The following SCAF11 variants were observed in gnomAD, a reference collection of about 807,000 sequenced individuals.
The protein encoded by SCAF11 is protein SCAF11.
Under a neutral mutation model 140.5 loss-of-function variants are expected in SCAF11, and 47 were observed. That is an observed-to-expected ratio of 0.33 (90% CI 0.26 to 0.43). SCAF11 has a LOEUF of 0.43. Among genes scored for constraint, SCAF11 ranks in the 20% least tolerant of loss-of-function variants. SCAF11 has a pLI of 1.00. For missense variants in SCAF11, 1,645 were observed against 1,705.1 expected (o/e 0.96, Z 0.62); for synonymous variants, 557 against 579.4 (o/e 0.96, Z 0.55).
At chr12:45,923,621 T>A (rs1405686888) in intron 12 of SCAF11, among the ~76,000 whole-genome samples, 2 of 151,958 alleles carry the variant, frequency 1.3e-5, no homozygotes, top group African/African-American at 4.8e-5. Flanking sequence ...TAAAATCCAA[T>A]TTCCCTATTC....
intron 14 of SCAF11, 110 bp downstream of exon 14, chr12:45,922,353 G>T: frequency 6.7e-7 from 1 of 1,485,936 alleles, no homozygotes; most frequent in Non-Finnish European, 9.1e-7. Context: ...AAGTAGACAG[G>T]AATTAGTAGG....
chr12:45,989,657 T>G (rs1288023069), intron 1 of SCAF11, among the ~76,000 whole-genome samples: 3 of 152,178 alleles, frequency 2.0e-5, no homozygotes, highest in South Asian at 2.1e-4. Context: ...GGCGACTGAT[T>G]AGGCTAAATT....
intron 1 of SCAF11, among the ~76,000 whole-genome samples, chr12:45,980,819 G>C (rs1946333222): frequency 6.6e-6 from 1 of 152,102 alleles, no homozygotes; most frequent in Non-Finnish European, 1.5e-5. Flanking sequence ...AGAATAACTG[G>C]ATTAAGACTG....
At chr12:45,990,290 A>G (rs1946565303) in intron 1 of SCAF11, 63 bp downstream of exon 1, 31 of 1,230,718 alleles carry the variant, frequency 2.5e-5, no homozygotes, top group Non-Finnish European at 2.8e-5. Flanking sequence ...GCCGGCCGCT[A>G]ACCCTCGTCT....
chr12:45,933,289 C>A, intron 8 of SCAF11, 57 bp from the exon 9 acceptor site: 3 of 1,238,090 alleles, frequency 2.4e-6, no homozygotes, highest in Admixed American at 1.8e-5. Flanking sequence ...TTCAAAAAAA[C>A]AATTAGGTTG....
chr12:45,988,847 A>T (rs1018031667), intron 1 of SCAF11, among the ~76,000 whole-genome samples: 2 of 152,224 alleles, frequency 1.3e-5, no homozygotes, highest in Non-Finnish European at 2.9e-5. Flanking sequence ...GCACCAAAAA[A>T]TATTATAGCT....
At chr12:45,973,436 G>A (rs539247338) in intron 1 of SCAF11, among the ~76,000 whole-genome samples, 4 of 152,114 alleles carry the variant, frequency 2.6e-5, no homozygotes, top group South Asian at 4.2e-4. Flanking sequence ...AATAATGGGT[G>A]GAAACTTCCT....
At position 45,923,065 on chromosome 12, in the gene SCAF11, A is replaced by T; in HGVS notation, c.3996T>A (p.Val1332=). Residue 1332 remains valine, a synonymous_variant, in exon 13 of 15, where the codon GTT becomes GTA. Transcript: ENST00000369367. ...AAGTATTACCAGAACTTGGTCCCTG[A>T]ACCATTCCCGTATTTCCTGGGGCTG... ...PTAAPGNTGM[V]QGPSSGNTSS... The T allele has an allele frequency of 2.5e-6, 4 of 1,614,160 alleles. No homozygotes were observed. Among genetic ancestry groups the T allele is most frequent in the Non-Finnish European group, 2.5e-6 (3 of 1,180,008 alleles).
chr12:45,933,489 A>T (rs939366232), intron 8 of SCAF11, among the ~76,000 whole-genome samples: 5 of 152,118 alleles, frequency 3.3e-5, no homozygotes, highest in African/African-American at 1.2e-4. Context: ...TAAGTGACAG[A>T]ATTTTTTAAA....
At position 45,948,351 on chromosome 12, in the gene SCAF11, C is replaced by G. The variant is rs947891984; in HGVS notation, c.398+86G>C. 3.7e-6 allele frequency: 3 copies of G among 813,534 alleles called. No individual in the cohort carries two copies. In the African/African-American group the frequency reaches 5.2e-5, roughly 14 times the overall value. The allele number at this position is 813,534 out of a possible 1,614,324, so 50.4% of individuals were successfully genotyped here. A position where few individuals can be genotyped will look rare whatever the true frequency, so the allele number is the denominator to read the frequency against. ...AATAAGTGATTAAATACATTTAAACCCCACTTCATTTTTTTAATACCTTTT... is the reference window on the plus strand; with the variant it reads ...AATAAGTGATTAAATACATTTAAACGCCACTTCATTTTTTTAATACCTTTT... On this transcript the variant is annotated intron_variant, in intron 5 of 14. Transcript: ENST00000369367.
chr12:45,990,144 C>A (rs1334595494), intron 1 of SCAF11, among the ~76,000 whole-genome samples: 1 of 151,750 alleles, frequency 6.6e-6, no homozygotes, highest in Non-Finnish European at 1.5e-5. Context: ...GGGAAAGGGG[C>A]CCTCCCGGCC....
At position 45,967,081 on chromosome 12, in the gene SCAF11, A is replaced by G. The variant is rs528731784; in HGVS notation, c.-21-2893T>C. Among the ~76,000 whole-genome samples the G allele has an allele frequency of 2.0e-3, 302 of 152,260 alleles. 2 individuals carry two copies. Among genetic ancestry groups the G allele is most frequent in the African/African-American group, 7.1e-3 (293 of 41,550 alleles). On this transcript the variant is annotated intron_variant, in intron 1 of 14. Coordinates refer to ENST00000369367, the MANE Select transcript of SCAF11 (RefSeq NM_004719.3). ...CCTCCTTTAAGCAAACTAACCTGAT[A>G]TATAATTTATAATTTATATTTTAAA...
At chr12:45,983,595 C>G (rs764170062) in intron 1 of SCAF11, among the ~76,000 whole-genome samples, 1 of 152,084 alleles carries the variant, frequency 6.6e-6, no homozygotes, top group Non-Finnish European at 1.5e-5. Context: ...ACAGAGTTAG[C>G]TGCTATTACC....
chr12:45,927,038 G>A lies in SCAF11; in HGVS notation c.2663C>T (p.Ser888Phe), dbSNP rs372088219. ...SESLSPRRETSRENKRSQPRV... is the reference protein window; with the variant it reads ...SESLSPRRETFRENKRSQPRV... Reference sequence around the variant, plus strand: ...TGGCTGAGATCTTTTGTTCTCTCTAGAAGTTTCTCTTCTTGGGGACAGTGA... The same window carrying A: ...TGGCTGAGATCTTTTGTTCTCTCTAAAAGTTTCTCTTCTTGGGGACAGTGA... The change falls in exon 11 of 15, where the codon TCT becomes TTT. Residue 888 changes from serine to phenylalanine, a missense_variant. By Grantham distance (155) the Ser-to-Phe change is radical. Around this residue, in one of 2 missense-constraint regions of SCAF11, gnomAD observed 1,582 missense variants for 1,609.2 expected, o/e 0.98. Transcript: ENST00000369367. The A allele has an allele frequency of 2.9e-4, 466 of 1,613,906 alleles. 1 individual carries two copies. Among genetic ancestry groups the A allele is most frequent in the Non-Finnish European group, 3.7e-4 (433 of 1,180,012 alleles).
upstream of SCAF11, chr12:45,990,603 C>T (rs1946578288): frequency 8.4e-7 from 1 of 1,193,688 alleles, no homozygotes; most frequent in Non-Finnish European, 1.0e-6. Context: ...CTAGCCTCCT[C>T]CCTCCCCTCC....
chr12:45,937,634 C>T (rs1180093258), intron 6 of SCAF11, among the ~76,000 whole-genome samples: 3 of 152,168 alleles, frequency 2.0e-5, no homozygotes, highest in African/African-American at 4.8e-5. Context: ...ATGACATTAT[C>T]TTTAAGTCTT....
Position 45,938,049 on chromosome 12 carries a change from TC to T in SCAF11, c.464-3545del, listed in dbSNP as rs376955731. Among the ~76,000 whole-genome samples, 347 of 152,332 alleles carry T rather than the reference TC, an allele frequency of 2.3e-3. 12 individuals carry two copies. The South Asian group carries it at 0.068, about 30-fold the overall frequency. On this transcript the variant is annotated intron_variant, in intron 6 of 14. Coordinates refer to ENST00000369367, the MANE Select transcript of SCAF11 (RefSeq NM_004719.3). Reference sequence around the variant, plus strand: ...GTCTTGAGATTCTTAACTCCATTCTTCCCATGAAATGTCTATGTATCAGCTT... The same window carrying T: ...GTCTTGAGATTCTTAACTCCATTCTTCCATGAAATGTCTATGTATCAGCTT...
intron 8 of SCAF11, 28 bp downstream of exon 8, chr12:45,934,148 G>A: frequency 1.7e-6 from 2 of 1,191,716 alleles, no homozygotes. Flanking sequence ...AGTATAAACA[G>A]CATAAATTAA....
chr12:45,935,389 C>G (rs570587131), intron 6 of SCAF11, among the ~76,000 whole-genome samples: 2 of 152,150 alleles, frequency 1.3e-5, no homozygotes, highest in East Asian at 1.9e-4. Context: ...TAGTGGAAGA[C>G]GAACAGGCTG....
Sources: gnomAD v4.1 joint callset for allele counts (sites outside exome capture counted in the v4.1 genomes callset) on GRCh38, gnomAD v4.1.1 for gene constraint, gnomAD v4.1.1 regional missense constraint, MANE v1.5 for transcripts, NCBI Gene and HGNC (gene_info 2026-07-23, HGNC 2026-07-21) for gene names.